The following CSMD1 variants were observed in gnomAD, a reference collection of about 807,000 sequenced individuals.
The protein encoded by CSMD1 is CUB and Sushi multiple domains 1.
CSMD1 carries 213 observed loss-of-function variants against 417.5 expected under a neutral mutation model. That is an observed-to-expected ratio of 0.51 (90% CI 0.46 to 0.57). CSMD1 has a LOEUF of 0.57. CSMD1 is among the 20% of genes least tolerant of loss of function. The probability of loss-of-function intolerance (pLI) is 0.00; values close to 1 mark genes in which losing one functional copy is unlikely to be tolerated. For missense variants in CSMD1, 6,923 were observed against 4,529.7 expected (o/e 1.53, Z -15.17); for synonymous variants, 2,862 against 1,736.8 (o/e 1.65, Z -16.11).
At chr8:4,769,831 G>A (rs1389282074) in intron 1 of CSMD1, among the ~76,000 whole-genome samples, 1 of 152,022 alleles carries the variant, frequency 6.6e-6, no homozygotes, top group African/African-American at 2.4e-5. Context: ...AGCTTATGTT[G>A]TTGTTATTAT....
At chr8:3,719,635 C>A (rs1362341925) in intron 6 of CSMD1, among the ~76,000 whole-genome samples, 1 of 152,098 alleles carries the variant, frequency 6.6e-6, no homozygotes, top group Non-Finnish European at 1.5e-5. Flanking sequence ...GAGGAAAGTG[C>A]ACTCTGGGTA....
At chr8:4,294,391 C>G (rs1044812940) in intron 3 of CSMD1, among the ~76,000 whole-genome samples, 4 of 152,184 alleles carry the variant, frequency 2.6e-5, no homozygotes, top group African/African-American at 9.7e-5. Context: ...TGTCACCGTT[C>G]TTTCTGATTG....
intron 7 of CSMD1, among the ~76,000 whole-genome samples, chr8:3,701,144 C>G (rs982192770): frequency 6.6e-6 from 1 of 152,020 alleles, no homozygotes; most frequent in East Asian, 1.9e-4. Context: ...AGAGAGATGC[C>G]TGTTAGACAT....
intron 5 of CSMD1, among the ~76,000 whole-genome samples, chr8:3,825,587 G>T (rs200463746): frequency 7.0e-6 from 1 of 143,314 alleles, no homozygotes; most frequent in Admixed American, 7.1e-5. Context: ...CTAGAAGAGT[G>T]GGGGAAGGGA....
At chr8:4,559,775 C>G (rs1303439154) in intron 2 of CSMD1, among the ~76,000 whole-genome samples, 1 of 152,258 alleles carries the variant, frequency 6.6e-6, no homozygotes, top group Non-Finnish European at 1.5e-5. Context: ...TCAGTGCAGC[C>G]TGGTGCATTT....
chr8:4,930,361 AG>A lies in CSMD1; in HGVS notation c.85+63970del, dbSNP rs1807164998. The stretch of plus-strand genomic sequence containing the variant: ...ATAATGTAATTCTGATTTCATTCAT[AG>A]GTGCGCGCACACACACACACGCATA... On this transcript the variant is annotated intron_variant, in intron 1 of 69. Transcript: ENST00000635120. 2.0e-5 allele frequency among the ~76,000 whole-genome samples: 3 copies of A among 152,238 alleles called. No homozygotes were observed. In the South Asian group the frequency reaches 6.2e-4, roughly 32 times the overall value.
intron 2 of CSMD1, among the ~76,000 whole-genome samples, chr8:4,470,923 A>C (rs1460115413): frequency 1.3e-5 from 2 of 152,192 alleles, no homozygotes. Context: ...ATGAATGTGT[A>C]AATAAGTATT....
intron 26 of CSMD1, among the ~76,000 whole-genome samples, chr8:3,231,598 A>G (rs769384309): frequency 2.0e-5 from 3 of 152,236 alleles, no homozygotes; most frequent in Non-Finnish European, 4.4e-5. Context: ...AAAGAATAAG[A>G]CCTGCTCTGT....
Position 3,387,645 on chromosome 8 carries a change from G to C in CSMD1, c.2631C>G (p.Gly877=). The C allele has an allele frequency of 6.2e-7, 1 of 1,600,730 alleles. No individual in the cohort carries two copies. The highest frequency in any genetic ancestry group is 8.5e-7 in the Non-Finnish European group (1 of 1,173,450). ...TLESDSCLDP[G]IPVNGHRHGG... is the part of the protein sequence containing the mutation. ...CGTGGCGATGGCCGTTCACAGGGAT[G>C]CCCGGGTCCAGGCAGGAATCCGACT... is the stretch of plus-strand genomic sequence containing the variant. The change falls in exon 18 of 70, where the codon GGC becomes GGG. Residue 877 remains glycine, a synonymous_variant. Transcript: ENST00000635120.
Position 4,145,155 on chromosome 8 carries a change from G to C in CSMD1, c.416-113056C>G, listed in dbSNP as rs753464197. On this transcript the variant is annotated intron_variant, in intron 3 of 69. Coordinates refer to ENST00000635120, the MANE Select transcript of CSMD1 (RefSeq NM_033225.6). ...AATAGTTTAGACACATGTAATAAAA[G>C]GCACGAACCCATTCATTCAATTACT... Among the ~76,000 whole-genome samples, 15 of 151,092 alleles carry C rather than the reference G, an allele frequency of 9.9e-5. 1 individual carries two copies. Among genetic ancestry groups the C allele is most frequent in the Admixed American group, 2.6e-4 (4 of 15,226 alleles).
chr8:3,306,842 T>C (rs1367493103), intron 25 of CSMD1, among the ~76,000 whole-genome samples: 2 of 28,178 alleles, frequency 7.1e-5, no homozygotes, highest in Non-Finnish European at 1.6e-4. Flanking sequence ...TTAAAAATAT[T>C]ACAGAGCTTA....
chr8:4,034,548 T>G (rs1364309661), intron 3 of CSMD1, among the ~76,000 whole-genome samples: 1 of 152,188 alleles, frequency 6.6e-6, no homozygotes, highest in Non-Finnish European at 1.5e-5. Flanking sequence ...AAGAAAAACT[T>G]TCCATTTTAT....
At chr8:3,085,592 G>A (rs1005978460) in intron 49 of CSMD1, among the ~76,000 whole-genome samples, 8 of 152,202 alleles carry the variant, frequency 5.3e-5, no homozygotes, top group Non-Finnish European at 7.3e-5. Flanking sequence ...GATGTCAGAA[G>A]AGCCTCATTT....
chr8:4,378,524 G>A (rs369773608), intron 3 of CSMD1, among the ~76,000 whole-genome samples: 83 of 151,882 alleles, frequency 5.5e-4, no homozygotes, highest in Admixed American at 2.0e-3. Context: ...GTTCATATTC[G>A]CTGAAGTCAC....
chr8:3,624,689 G>T (rs1796409219), intron 7 of CSMD1, among the ~76,000 whole-genome samples: 1 of 152,156 alleles, frequency 6.6e-6, no homozygotes. Flanking sequence ...GTATTGATGA[G>T]CTTTGTTTGA....
chr8:3,213,839 T>C (rs1797743942), intron 30 of CSMD1, among the ~76,000 whole-genome samples: 1 of 142,488 alleles, frequency 7.0e-6, no homozygotes, highest in African/African-American at 2.9e-5. Context: ...TGTATGTGTG[T>C]GTGTGTATAT....
At chr8:3,409,378 T>C (rs756548893) in intron 13 of CSMD1, 45 bp downstream of exon 13, 2 of 1,483,622 alleles carry the variant, frequency 1.3e-6, no homozygotes, top group East Asian at 4.9e-5. Context: ...CCTTGCAAGA[T>C]CCTTGCAGGA....
chr8:4,513,588 G>T (rs749148350), intron 2 of CSMD1, among the ~76,000 whole-genome samples: 13 of 152,138 alleles, frequency 8.5e-5, no homozygotes, highest in Non-Finnish European at 1.8e-4. Context: ...AAGCACATTT[G>T]TGTTAAATGG....
At chr8:3,300,262 T>A (rs1303570330) in intron 25 of CSMD1, among the ~76,000 whole-genome samples, 1 of 152,200 alleles carries the variant, frequency 6.6e-6, no homozygotes, top group Non-Finnish European at 1.5e-5. Context: ...TATCACATTT[T>A]ATGTTTGTAT....
Sources: gnomAD v4.1 joint callset for allele counts (sites outside exome capture counted in the v4.1 genomes callset) on GRCh38, gnomAD v4.1.1 for gene constraint, MANE v1.5 for transcripts, NCBI Gene and HGNC (gene_info 2026-07-23, HGNC 2026-07-21) for gene names.